MEP1B: variants seen among roughly 807,000 people sequenced by gnomAD.
MEP1B encodes the protein N-benzoyl-L-tyrosyl-P-amino-benzoic acid hydrolase subunit beta.
Under a neutral mutation model 84.6 loss-of-function variants are expected in MEP1B, and 80 were observed. The observed-to-expected ratio is 0.95, with a 90% CI of 0.79 to 1.14. The LOEUF (loss-of-function observed/expected upper bound fraction) is 1.14. Ranked by LOEUF, MEP1B falls within the 50% of genes most tolerant of loss-of-function variation. The pLI is 0.00. For missense variants in MEP1B, 766 were observed against 855.1 expected, an observed-to-expected ratio of 0.90 and a Z score of 1.30; for synonymous variants, 273 against 288.1, an observed-to-expected ratio of 0.95 and a Z score of 0.53.
chr18:32,207,338 A>G lies in MEP1B; in HGVS notation c.634A>G (p.Ser212Gly). Reference sequence around the variant, plus strand: ...TGATTACACTTCAGTAATGCACTACAGTAAAACTGCATTCCAAAATGGAAC... The same window carrying G: ...TGATTACACTTCAGTAATGCACTACGGTAAAACTGCATTCCAAAATGGAAC... ...PYDYTSVMHY[S>G]KTAFQNGTEP... Residue 212 changes from serine (S) to glycine (G), a missense_variant, in exon 8 of 15, where the codon AGT becomes GGT. By Grantham distance (56) the Ser-to-Gly change is moderately conservative (BLOSUM62 0). Coordinates refer to ENST00000269202, the MANE Select transcript of MEP1B (RefSeq NM_005925.3). The G allele has an allele frequency of 6.2e-7, 1 of 1,612,442 alleles. No homozygotes were observed.
At chr18:32,192,948 C>T in intron 4 of MEP1B, 131 bp downstream of exon 4, 1 of 655,350 alleles carries the variant, frequency 1.5e-6, no homozygotes, top group South Asian at 1.8e-5. Flanking sequence ...ATCATGGTGA[C>T]ACATTTATTC....
At chr18:32,191,868 G>T in intron 2 of MEP1B, 28 bp downstream of exon 2, 1 of 1,461,118 alleles carries the variant, frequency 6.8e-7, no homozygotes. Context: ...TTTGTTCTAG[G>T]TTATAGAGAA....
chr18:32,210,795 A>G (rs2041018755), intron 10 of MEP1B, 79 bp downstream of exon 10: 4 of 1,169,758 alleles, frequency 3.4e-6, no homozygotes, highest in African/African-American at 1.5e-5. Context: ...GCAACAATTT[A>G]CAATAGGGCA....
intron 10 of MEP1B, 143 bp downstream of exon 10, chr18:32,210,859 G>T: frequency 1.5e-6 from 1 of 679,874 alleles, no homozygotes; most frequent in Non-Finnish European, 2.5e-6. Flanking sequence ...GTTTTAAGCT[G>T]TGGAAAGGAA....
At position 32,210,690 on chromosome 18, in the gene MEP1B, A is replaced by G. The variant is rs1320216878; in HGVS notation, c.1109A>G (p.Asn370Ser). The change falls in exon 10 of 15, where the codon AAT becomes AGT. Residue 370 changes from asparagine to serine, a missense_variant. By Grantham distance (46) the Asn-to-Ser change is conservative (BLOSUM62 1). Transcript: ENST00000269202. ...REYSADNVDG[N>S]LTLVEEIKEI... ...TATTCTGCAGACAATGTGGATGGCA[A>G]TTTAACCCTTGTGGAAGAAATAAAA... The G allele has an allele frequency of 1.2e-6, 2 of 1,613,714 alleles. No individual in the cohort carries two copies. The highest frequency in any genetic ancestry group is 1.7e-5 in the Admixed American group (1 of 60,026).
At chr18:32,202,604 A>G (rs941751173) in intron 5 of MEP1B, among the ~76,000 whole-genome samples, 10 of 152,236 alleles carry the variant, frequency 6.6e-5, no homozygotes, top group African/African-American at 2.4e-4. Context: ...CTGTGATCCA[A>G]TGGATATGTT....
At chr18:32,193,248 A>T (rs970621752) in intron 4 of MEP1B, among the ~76,000 whole-genome samples, 3 of 152,192 alleles carry the variant, frequency 2.0e-5, no homozygotes, top group African/African-American at 4.8e-5. Context: ...GCTAAAAATA[A>T]TGTTGCCAAG....
intron 12 of MEP1B, among the ~76,000 whole-genome samples, chr18:32,216,266 C>T (rs1455837680): frequency 2.0e-5 from 3 of 152,028 alleles, no homozygotes; most frequent in Non-Finnish European, 4.4e-5. Context: ...CTAGATGATA[C>T]CTCTTGGAGA....
At chr18:32,193,042 A>G (rs573980931) in intron 4 of MEP1B, among the ~76,000 whole-genome samples, 6 of 152,330 alleles carry the variant, frequency 3.9e-5, no homozygotes, top group East Asian at 1.9e-4. Context: ...TCAAGCCACC[A>G]TAACTCATTA....
At chr18:32,207,025 C>T (rs1304506596) in intron 7 of MEP1B, among the ~76,000 whole-genome samples, 5 of 152,200 alleles carry the variant, frequency 3.3e-5, no homozygotes, top group African/African-American at 1.2e-4. Flanking sequence ...ATGCCAATGT[C>T]CTAACTATGG....
At chr18:32,200,025 T>A (rs2040896197) in intron 5 of MEP1B, among the ~76,000 whole-genome samples, 1 of 150,534 alleles carries the variant, frequency 6.6e-6, no homozygotes, top group South Asian at 2.1e-4. Flanking sequence ...TATCTTAGGC[T>A]ATTTTTTTTT....
intron 9 of MEP1B, 126 bp downstream of exon 9, chr18:32,208,397 A>ACTT: frequency 1.0e-6 from 1 of 997,528 alleles, no homozygotes; most frequent in Non-Finnish European, 1.4e-6. Context: ...TTAGGTTACT[A>ACTT]CTGAGAAGTA....
At chr18:32,194,992 C>A (rs1023404508) in intron 4 of MEP1B, among the ~76,000 whole-genome samples, 4 of 152,048 alleles carry the variant, frequency 2.6e-5, no homozygotes, top group Non-Finnish European at 5.9e-5. Context: ...AGTTTAAAAT[C>A]CTTTAAAAAT....
chr18:32,208,028 C>T, intron 8 of MEP1B, 91 bp from the exon 9 acceptor site: 1 of 1,358,302 alleles, frequency 7.4e-7, no homozygotes, highest in Non-Finnish European at 1.0e-6. Context: ...TAATACCAAC[C>T]TGGCATTTCT....
At chr18:32,206,517 C>A (rs186277007) in intron 7 of MEP1B, among the ~76,000 whole-genome samples, 1 of 151,758 alleles carries the variant, frequency 6.6e-6, no homozygotes, top group African/African-American at 2.4e-5. Context: ...GCAGGCTCGA[C>A]TTCCCAGGCT....
rs894333025 is a variant in MEP1B at position 32,220,096 on chromosome 18, T to C, written c.2092-135T>C. 6.7e-6 allele frequency: 5 copies of C among 743,874 alleles called. No homozygotes were observed. The Admixed American group carries it at 7.9e-5, about 12-fold the overall frequency. 46.1% of individuals were successfully genotyped at this position (743,874 alleles called of 1,614,324 possible). ...AAATGGAGACCAGGAGCAGGAGCCATTGCCAGCTAGGAGGGAGGCCAGGAG... is the reference window on the plus strand; with the variant it reads ...AAATGGAGACCAGGAGCAGGAGCCACTGCCAGCTAGGAGGGAGGCCAGGAG... On this transcript the variant is annotated intron_variant, in intron 14 of 14. Coordinates refer to ENST00000269202, the MANE Select transcript of MEP1B (RefSeq NM_005925.3).
At position 32,208,234 on chromosome 18, in the gene MEP1B, G is replaced by A. The variant is rs772742245; in HGVS notation, c.882G>A (p.Gly294=). 55 of 1,613,772 alleles carry A rather than the reference G, an allele frequency of 3.4e-5. No homozygotes were observed. The highest frequency in any genetic ancestry group is 4.5e-5 in the Non-Finnish European group (53 of 1,179,828). The change falls in exon 9 of 15, where the codon GGG becomes GGA. Residue 294 remains glycine, a synonymous_variant. Coordinates refer to ENST00000269202, the MANE Select transcript of MEP1B (RefSeq NM_005925.3). ...AACGGGTTTCACAGGTTCCCAGGGG[G>A]CCAGAGAGTGATCACTCCAACATGG... ...DWQRVSQVPR[G]PESDHSNMGQ...
rs772106769 is a variant in MEP1B at position 32,191,865 on chromosome 18, T to C, written c.82+25T>C. 2.7e-6 allele frequency: 4 copies of C among 1,477,416 alleles called. No individual in the cohort carries two copies. The South Asian group carries it at 3.7e-5, about 14-fold the overall frequency. The allele number at this position is 1,477,416 out of a possible 1,614,324, so 91.5% of individuals were successfully genotyped here. A position where few individuals can be genotyped will look rare whatever the true frequency, so the allele number is the denominator to read the frequency against. On this transcript the variant is annotated intron_variant, in intron 2 of 14. Coordinates refer to ENST00000269202, the MANE Select transcript of MEP1B (RefSeq NM_005925.3). ...GGTGAGTCTATTTTGAGTTTTGTTC[T>C]AGGTTATAGAGAACCTAGGACATAT... is the stretch of plus-strand genomic sequence containing the variant.
intron 13 of MEP1B, among the ~76,000 whole-genome samples, chr18:32,217,474 T>C (rs1313928689): frequency 6.6e-6 from 1 of 152,158 alleles, no homozygotes; most frequent in East Asian, 1.9e-4. Context: ...GTGGCGGGCA[T>C]GGGACACTGA....
Sources: allele counts gnomAD v4.1 joint callset (sites outside exome capture counted in the v4.1 genomes callset), GRCh38; gene constraint gnomAD v4.1.1; transcripts MANE v1.5; gene names NCBI Gene and HGNC (gene_info 2026-07-23, HGNC 2026-07-21).